PHACTR1: variants seen among roughly 807,000 people sequenced by gnomAD.
PHACTR1 encodes RPEL repeat containing 1.
PHACTR1 carries 16 observed loss-of-function variants against 69.2 expected under a neutral mutation model. The ratio of observed to expected loss-of-function variants is 0.23; its 90% CI spans 0.16 to 0.35. The LOEUF is 0.35. Among genes scored for constraint, PHACTR1 ranks in the 10% least tolerant of loss-of-function variants. PHACTR1 has a pLI of 1.00. For synonymous variants in PHACTR1, 312 were observed against 284.5 expected (o/e 1.10, Z -0.97); for missense variants, 510 against 734.7 (o/e 0.69, Z 3.54).
At chr6:13,142,426 G>T (rs936609246) in intron 5 of PHACTR1, among the ~76,000 whole-genome samples, 1 of 152,146 alleles carries the variant, frequency 6.6e-6, no homozygotes, top group Admixed American at 6.5e-5. Context: ...GTTTTACTTT[G>T]GGTATGTGTA....
chr6:13,192,195 T>G (rs1763695772), intron 7 of PHACTR1, among the ~76,000 whole-genome samples: 1 of 152,216 alleles, frequency 6.6e-6, no homozygotes. Context: ...TAGGAGGAGA[T>G]GTAAACATGG....
At chr6:13,103,847 G>A (rs1815595389) in intron 5 of PHACTR1, among the ~76,000 whole-genome samples, 1 of 152,232 alleles carries the variant, frequency 6.6e-6, no homozygotes, top group African/African-American at 2.4e-5. Context: ...ACTTTGGGAG[G>A]CCAGGGTGGG....
chr6:13,017,185 CA>C (rs5874397), intron 4 of PHACTR1, among the ~76,000 whole-genome samples: 18,646 of 76,588 alleles, frequency 0.24, 1,108 homozygotes, highest in East Asian at 0.34. Context: ...GACTCTGTCT[CA>C]AAAAAAAAAA....
chr6:13,162,360 C>G (rs996148774), intron 6 of PHACTR1, among the ~76,000 whole-genome samples: 8 of 151,974 alleles, frequency 5.3e-5, no homozygotes, highest in Admixed American at 4.6e-4. Flanking sequence ...CTCCTGACCT[C>G]AGGTGATCCA....
chr6:13,205,162 G>T (rs1279481030), intron 7 of PHACTR1, among the ~76,000 whole-genome samples: 1 of 152,170 alleles, frequency 6.6e-6, no homozygotes, highest in African/African-American at 2.4e-5. Context: ...GGGAGCTGGT[G>T]TGTGCAGAGA....
At chr6:13,101,391 C>T (rs1022277501) in intron 5 of PHACTR1, among the ~76,000 whole-genome samples, 1 of 152,222 alleles carries the variant, frequency 6.6e-6, no homozygotes, top group Admixed American at 6.5e-5. Context: ...AAGTTCCCAA[C>T]ACCTGAACTT....
intron 4 of PHACTR1, among the ~76,000 whole-genome samples, chr6:12,991,045 C>A (rs1302414643): frequency 6.6e-6 from 1 of 152,152 alleles, no homozygotes; most frequent in Non-Finnish European, 1.5e-5. Context: ...GGCTGGAAAA[C>A]AGGGATAACT....
Position 13,053,406 on chromosome 6 carries a change from C to T in PHACTR1, c.292C>T (p.Leu98Phe), listed in dbSNP as rs1190930037. The change falls in exon 5 of 15, where the codon CTC becomes TTC. Residue 98 changes from leucine (L) to phenylalanine (F), a missense_variant. Coordinates refer to ENST00000332995, the MANE Select transcript of PHACTR1 (RefSeq NM_030948.6). The part of the protein sequence containing the change: ...ERLAAMRSDS[L>F]VPGTHTPPIR... ...GCTGGCGGCGATGCGTTCTGACTCCCTCGTCCCAGGCACCCACACCCCACC... is the reference window on the plus strand; with the variant it reads ...GCTGGCGGCGATGCGTTCTGACTCCTTCGTCCCAGGCACCCACACCCCACC... The T allele has an allele frequency of 6.2e-7, 1 of 1,613,284 alleles. No individual in the cohort carries two copies. The highest frequency in any genetic ancestry group is 1.7e-5 in the Admixed American group (1 of 59,914).
intron 2 of PHACTR1, 21 bp downstream of exon 2, chr6:12,717,764 G>A (rs1025650842): frequency 4.6e-5 from 7 of 152,020 alleles, no homozygotes; most frequent in Non-Finnish European, 1.0e-4. Flanking sequence ...TTGCTATTGG[G>A]GTACCTTTGG....
intron 4 of PHACTR1, chr6:12,957,445 A>G (rs1477206203): frequency 3.0e-6 from 3 of 985,254 alleles, no homozygotes; most frequent in African/African-American, 1.7e-5. Context: ...TCATTTTGAA[A>G]TGTTCCCTGT....
intron 4 of PHACTR1, among the ~76,000 whole-genome samples, chr6:13,029,778 A>T (rs183665339): frequency 1.8e-4 from 28 of 152,362 alleles, no homozygotes; most frequent in Admixed American, 3.9e-4. Flanking sequence ...GTGCAAATGC[A>T]GTGAGAAGCA....
At chr6:12,848,809 A>G (rs1779540950) in intron 4 of PHACTR1, among the ~76,000 whole-genome samples, 1 of 152,218 alleles carries the variant, frequency 6.6e-6, no homozygotes, top group South Asian at 2.1e-4. Context: ...CTCAATTTAA[A>G]GGAAGCAAAT....
At chr6:13,284,237 G>T (rs1028465816) in intron 13 of PHACTR1, among the ~76,000 whole-genome samples, 1 of 151,968 alleles carries the variant, frequency 6.6e-6, no homozygotes, top group Non-Finnish European at 1.5e-5. Flanking sequence ...TAGTCTGTGC[G>T]CCAGGCACAG....
chr6:12,774,861 A>G (rs1009803028), intron 4 of PHACTR1, among the ~76,000 whole-genome samples: 1 of 152,242 alleles, frequency 6.6e-6, no homozygotes, highest in African/African-American at 2.4e-5. Flanking sequence ...TGCCAGATCC[A>G]GTTAAGTTTT....
intron 4 of PHACTR1, among the ~76,000 whole-genome samples, chr6:12,845,741 G>C (rs951255040): frequency 2.0e-5 from 3 of 152,122 alleles, no homozygotes; most frequent in Admixed American, 2.0e-4. Context: ...ACGGAATTGT[G>C]CACATGCGTC....
chr6:13,142,319 G>T (rs906696031), intron 5 of PHACTR1, among the ~76,000 whole-genome samples: 6 of 152,160 alleles, frequency 3.9e-5, no homozygotes, highest in Non-Finnish European at 8.8e-5. Flanking sequence ...GGCCAGGCTG[G>T]TCTTGAACTC....
chr6:12,907,919 T>A (rs1193082511), intron 4 of PHACTR1, among the ~76,000 whole-genome samples: 2 of 152,200 alleles, frequency 1.3e-5, no homozygotes, highest in Admixed American at 1.3e-4. Context: ...AGTGGTAGTA[T>A]AATGGAACAT....
At chr6:13,119,561 C>T (rs1010502670) in intron 5 of PHACTR1, among the ~76,000 whole-genome samples, 63 of 152,250 alleles carry the variant, frequency 4.1e-4, no homozygotes, top group African/African-American at 1.5e-3. Context: ...GGGGAAGAGG[C>T]CCCCAGAGCT....
chr6:12,906,388 T>C (rs1016978011), intron 4 of PHACTR1, among the ~76,000 whole-genome samples: 1 of 152,212 alleles, frequency 6.6e-6, no homozygotes, highest in Non-Finnish European at 1.5e-5. Flanking sequence ...AAAAACCTCA[T>C]GTTTAAAGAT....
Sources: allele counts gnomAD v4.1 joint callset (sites outside exome capture counted in the v4.1 genomes callset), GRCh38; gene constraint gnomAD v4.1.1; transcripts MANE v1.5; gene names NCBI Gene and HGNC (gene_info 2026-07-23, HGNC 2026-07-21).